Variants in CEP128 observed in about 807,000 individuals in gnomAD.
CEP128 encodes centrosomal protein 128kDa.
CEP128 carries 132 observed loss-of-function variants against 156.7 expected under a neutral mutation model. That is an observed-to-expected ratio of 0.84 (90% CI 0.73 to 0.97). The LOEUF (loss-of-function observed/expected upper bound fraction) is 0.97. CEP128 is among the 50% of genes least tolerant of loss of function. The pLI is 0.00. For synonymous variants in CEP128, 469 were observed against 448.9 expected (o/e 1.04, Z -0.57); for missense variants, 1,252 against 1,281.9 (o/e 0.98, Z 0.36).
At chr14:80,597,673 G>C (rs1892392510) in intron 19 of CEP128, among the ~76,000 whole-genome samples, 1 of 151,180 alleles carries the variant, frequency 6.6e-6, no homozygotes, top group African/African-American at 2.4e-5. Context: ...GCTTTCTCCT[G>C]AGCATAGAAA....
intron 13 of CEP128, among the ~76,000 whole-genome samples, chr14:80,804,651 A>G (rs1884069814): frequency 6.6e-6 from 1 of 152,122 alleles, no homozygotes; most frequent in South Asian, 2.1e-4. Flanking sequence ...GTAAAAACAT[A>G]TATATACATA....
At chr14:80,656,233 A>G (rs1253182513) in intron 19 of CEP128, among the ~76,000 whole-genome samples, 2 of 141,464 alleles carry the variant, frequency 1.4e-5, no homozygotes. Context: ...AGGTCAATTG[A>G]AAGTGAAGGA....
chr14:80,702,658 G>A (rs890082248), intron 19 of CEP128, among the ~76,000 whole-genome samples: 1 of 152,166 alleles, frequency 6.6e-6, no homozygotes, highest in African/African-American at 2.4e-5. Flanking sequence ...GCACAGAGAG[G>A]TTGAGAAAGT....
At chr14:80,549,691 A>G (rs1385472601) in intron 21 of CEP128, among the ~76,000 whole-genome samples, 1 of 152,206 alleles carries the variant, frequency 6.6e-6, no homozygotes, top group Non-Finnish European at 1.5e-5. Context: ...GCGGCACTTT[A>G]GTAAGTACTC....
intron 9 of CEP128, among the ~76,000 whole-genome samples, chr14:80,855,667 G>T (rs1887116671): frequency 6.6e-6 from 1 of 152,138 alleles, no homozygotes; most frequent in Non-Finnish European, 1.5e-5. Context: ...GCAAAGGCGA[G>T]TCCAAGATCT....
intron 24 of CEP128, among the ~76,000 whole-genome samples, chr14:80,500,570 T>C (rs1041573464): frequency 6.6e-6 from 1 of 152,214 alleles, no homozygotes; most frequent in Non-Finnish European, 1.5e-5. Flanking sequence ...CCAGTGTATA[T>C]ACACATATCA....
intron 8 of CEP128, among the ~76,000 whole-genome samples, chr14:80,884,433 GTTC>G (rs1888698785): frequency 6.6e-6 from 1 of 152,170 alleles, no homozygotes; most frequent in South Asian, 2.1e-4. Flanking sequence ...AGGTGGGAGA[GTTC>G]TTCATTTCCA....
rs563854839 is a variant in CEP128 at position 80,837,499 on chromosome 14, C to T, written c.924+705G>A. Among the ~76,000 whole-genome samples the T allele has an allele frequency of 1.2e-4, 19 of 152,268 alleles. No homozygotes were observed. In the East Asian group the frequency reaches 1.9e-3, roughly 16 times the overall value. ...TTTGGGAGGCCGAGGTGGGGAATCA[C>T]GAAGTCAGGAGATCGAGAACATCCT... On this transcript the variant is annotated intron_variant, in intron 11 of 24. Transcript: ENST00000555265.
At chr14:80,753,199 C>A (rs1899478015) in intron 18 of CEP128, among the ~76,000 whole-genome samples, 1 of 152,088 alleles carries the variant, frequency 6.6e-6, no homozygotes, top group African/African-American at 2.4e-5. Flanking sequence ...TTTAGCCAGG[C>A]ATTGTGATAA....
At chr14:80,839,305 T>C (rs1249523508) in intron 10 of CEP128, among the ~76,000 whole-genome samples, 1 of 152,214 alleles carries the variant, frequency 6.6e-6, no homozygotes, top group Non-Finnish European at 1.5e-5. Context: ...AGTGCTTAGA[T>C]TTGTAACACT....
intron 9 of CEP128, among the ~76,000 whole-genome samples, chr14:80,852,575 T>A (rs752659201): frequency 2.6e-5 from 4 of 151,668 alleles, no homozygotes; most frequent in Non-Finnish European, 5.9e-5. Flanking sequence ...AGAAAACTAA[T>A]AAAATAATAC....
upstream of CEP128, among the ~76,000 whole-genome samples, chr14:80,943,433 A>G (rs1408634330): frequency 6.6e-6 from 1 of 152,222 alleles, no homozygotes; most frequent in African/African-American, 2.4e-5. Context: ...CACGAGCTAC[A>G]TTAATAAAAA....
chr14:80,807,518 G>T (rs1426600373), intron 13 of CEP128, among the ~76,000 whole-genome samples: 1 of 152,198 alleles, frequency 6.6e-6, no homozygotes, highest in Non-Finnish European at 1.5e-5. Flanking sequence ...GGTACAGGAA[G>T]TAAGAGACCA....
In CEP128 at chr14:80,687,548, T is replaced by A. The variant is rs528828849; in HGVS notation, c.2806+55527A>T. On this transcript the variant is annotated intron_variant, in intron 19 of 24. Coordinates refer to ENST00000555265, the MANE Select transcript of CEP128 (RefSeq NM_152446.5). ...GCTAAACAATTGTTATTCATGGACA[T>A]AAAGATGGTAGCAATAGACACTGGA... Among the ~76,000 whole-genome samples the A allele has an allele frequency of 1.1e-4, 16 of 152,026 alleles. No individual in the cohort carries two copies. The South Asian group carries it at 1.9e-3, about 18-fold the overall frequency.
chr14:80,709,612 C>T (rs939677855), intron 19 of CEP128, among the ~76,000 whole-genome samples: 12 of 152,112 alleles, frequency 7.9e-5, no homozygotes, highest in Non-Finnish European at 1.8e-4. Context: ...GACTGCTTTA[C>T]ATATAAAAAA....
intron 19 of CEP128, among the ~76,000 whole-genome samples, chr14:80,591,071 C>T (rs555152502): frequency 6.6e-6 from 1 of 152,170 alleles, no homozygotes; most frequent in East Asian, 1.9e-4. Context: ...TAGTAAAGAC[C>T]ATCAACACTA....
At chr14:80,516,241 A>T (rs1339096569) in intron 23 of CEP128, among the ~76,000 whole-genome samples, 6 of 152,154 alleles carry the variant, frequency 3.9e-5, no homozygotes, top group African/African-American at 1.4e-4. Context: ...CTGACCCAGG[A>T]TCCATCTAGA....
At chr14:80,836,469 A>C in intron 11 of CEP128, 132 bp from the exon 12 acceptor site, 1 of 885,314 alleles carries the variant, frequency 1.1e-6, no homozygotes. Context: ...TTCCTGCTCC[A>C]TTTCCTCATT....
At chr14:80,729,058 G>GGTGGGGGT (rs1898143455) in intron 19 of CEP128, among the ~76,000 whole-genome samples, 1 of 105,024 alleles carries the variant, frequency 9.5e-6, no homozygotes, top group Non-Finnish European at 1.8e-5. Context: ...GGCTGGTGGG[G>GGTGGGGGT]GTGTGTGTGT....
Sources: allele counts gnomAD v4.1 joint callset (sites outside exome capture counted in the v4.1 genomes callset), GRCh38; gene constraint gnomAD v4.1.1; transcripts MANE v1.5; gene names NCBI Gene and HGNC (gene_info 2026-07-23, HGNC 2026-07-21).